The following CPAMD8 variants were observed in gnomAD, a reference collection of about 807,000 sequenced individuals.
CPAMD8 encodes C3 and PZP like alpha-2-macroglobulin domain containing 8, also known as C3 and PZP-like alpha-2-macroglobulin domain-containing protein 8.
A neutral mutation model predicts 224.7 loss-of-function variants in CPAMD8; 146 were observed. The observed-to-expected ratio is 0.65, with a 90% CI of 0.57 to 0.75. The LOEUF (loss-of-function observed/expected upper bound fraction) is 0.75, where lower values mean the gene tolerates loss of function less well. Ranked by LOEUF, CPAMD8 falls within the 30% of genes least tolerant of loss-of-function variation. CPAMD8 has a pLI of 0.00. For missense variants in CPAMD8, 2,301 were observed against 2,537.5 expected (o/e 0.91, Z 2.00); for synonymous variants, 966 against 1,044.6 (o/e 0.92, Z 1.45).
At chr19:16,958,895 G>T (rs956953734) in intron 18 of CPAMD8, among the ~76,000 whole-genome samples, 5 of 151,134 alleles carry the variant, frequency 3.3e-5, no homozygotes, top group Non-Finnish European at 5.9e-5. Flanking sequence ...TGCCTCCCAG[G>T]TTCAAACGAT....
chr19:16,959,403 G>T lies in CPAMD8; in HGVS notation c.2214-1488C>A, dbSNP rs185582198. ...TTGACCACGCTGGTCTCAAACTCCC[G>T]ACATCAAGTGATCCACCCGCCTCGG... is the stretch of plus-strand genomic sequence containing the variant. On this transcript the variant is annotated intron_variant, in intron 18 of 41. Coordinates refer to ENST00000443236, the MANE Select transcript of CPAMD8 (RefSeq NM_015692.5). 1.7e-3 allele frequency among the ~76,000 whole-genome samples: 257 copies of T among 151,708 alleles called. 2 individuals are homozygous for T. The Middle Eastern group carries it at 0.017, about 10-fold the overall frequency.
At chr19:17,016,090 C>T (rs2056805109) in intron 3 of CPAMD8, among the ~76,000 whole-genome samples, 1 of 152,170 alleles carries the variant, frequency 6.6e-6, no homozygotes, top group African/African-American at 2.4e-5. Context: ...ACTACAGGTG[C>T]AGGCCACCAT....
rs1421365486 is a variant in CPAMD8 at position 16,896,358 on chromosome 19, G to T, written c.5276-32C>A. On this transcript the variant is annotated intron_variant, in intron 40 of 41. Coordinates refer to ENST00000443236, the MANE Select transcript of CPAMD8 (RefSeq NM_015692.5). ...GGAAGGGGGCCTCGGTCGGGAGGGCGTGGCGGGGAGGGGACCCAAGGGCCG... is the reference window on the plus strand; with the variant it reads ...GGAAGGGGGCCTCGGTCGGGAGGGCTTGGCGGGGAGGGGACCCAAGGGCCG... 3.8e-6 allele frequency: 6 copies of T among 1,565,788 alleles called. No individual in the cohort carries two copies. In the East Asian group the frequency reaches 7.0e-5, roughly 18 times the overall value.
chr19:16,998,506 A>G (rs2122997783), intron 10 of CPAMD8, among the ~76,000 whole-genome samples: 1 of 152,190 alleles, frequency 6.6e-6, no homozygotes, highest in Non-Finnish European at 1.5e-5. Flanking sequence ...TATCTCAGAC[A>G]TAAGAGAGGG....
intron 17 of CPAMD8, 43 bp from the exon 18 acceptor site, chr19:16,971,076 T>G: frequency 6.5e-7 from 1 of 1,540,756 alleles, no homozygotes; most frequent in Non-Finnish European, 8.8e-7. Flanking sequence ...GGGAAGTGGA[T>G]GCTGACAGCC....
chr19:16,983,632 G>A (rs751663485), intron 13 of CPAMD8, among the ~76,000 whole-genome samples: 4 of 152,094 alleles, frequency 2.6e-5, no homozygotes, highest in African/African-American at 7.2e-5. Flanking sequence ...GGAGACCAAG[G>A]AGACGTGATG....
intron 18 of CPAMD8, among the ~76,000 whole-genome samples, chr19:16,965,739 A>C (rs1231674263): frequency 2.6e-5 from 4 of 152,206 alleles, no homozygotes; most frequent in Non-Finnish European, 5.9e-5. Flanking sequence ...AATCCCATTC[A>C]CAATTGCTAC....
chr19:16,995,873 G>A (rs988138274), intron 11 of CPAMD8, among the ~76,000 whole-genome samples: 1 of 152,180 alleles, frequency 6.6e-6, no homozygotes, highest in Non-Finnish European at 1.5e-5. Context: ...AAATTGACTA[G>A]GTGCGGTGGC....
rs559963854 is a variant in CPAMD8 at position 17,016,149 on chromosome 19, T to G, written c.267+4182A>C. 5.9e-5 allele frequency among the ~76,000 whole-genome samples: 9 copies of G among 152,250 alleles called. No homozygotes were observed. In the South Asian group the frequency reaches 1.9e-3, roughly 32 times the overall value. Reference sequence around the variant, plus strand: ...GTTTGTAGAGACAGGGGACAGGCTCTCAACTATGTTGCCCAGGCTGGTCTC... The same window carrying G: ...GTTTGTAGAGACAGGGGACAGGCTCGCAACTATGTTGCCCAGGCTGGTCTC... On this transcript the variant is annotated intron_variant, in intron 3 of 41. Coordinates refer to ENST00000443236, the MANE Select transcript of CPAMD8 (RefSeq NM_015692.5).
rs1016204440 is a variant in CPAMD8 at position 16,957,891 on chromosome 19, G to A, written c.2238C>T (p.Phe746=). 1 of 1,613,972 alleles carries A rather than the reference G, an allele frequency of 6.2e-7. No homozygotes were observed. Among genetic ancestry groups the A allele is most frequent in the African/African-American group, 1.3e-5 (1 of 74,916 alleles). The part of the protein sequence containing the change: ...PPRTEKRKRT[F]FPETWIWHCL... ...AATGCCAAATCCATGTTTCGGGGAA[G>A]AAAGTCCTTTTTCTCTTCTCTGTTC... The change falls in exon 19 of 42, where the codon TTC becomes TTT. Residue 746 remains phenylalanine (F), a synonymous_variant. Transcript: ENST00000443236.
intron 18 of CPAMD8, among the ~76,000 whole-genome samples, chr19:16,962,824 T>A (rs555300738): frequency 6.6e-6 from 1 of 152,246 alleles, no homozygotes; most frequent in South Asian, 2.1e-4. Context: ...GGGAAGCCCA[T>A]CAGACTAACA....
intron 13 of CPAMD8, among the ~76,000 whole-genome samples, chr19:16,985,550 G>A (rs1431464298): frequency 1.3e-4 from 20 of 150,598 alleles, no homozygotes; most frequent in Non-Finnish European, 7.4e-5. Flanking sequence ...GGATAGATGG[G>A]TGGAGAAAGG....
Position 16,947,283 on chromosome 19 carries a change from C to T in CPAMD8, c.2509-56G>A, listed in dbSNP as rs971004373. 5 of 1,566,444 alleles carry T rather than the reference C, an allele frequency of 3.2e-6. No homozygotes were observed. The Admixed American group carries it at 8.8e-5, about 28-fold the overall frequency. ...TGGAATCCAGACCCCCTCCCAGTGC[C>T]TGGAGGCCCAACACACATCCCACCA... On this transcript the variant is annotated intron_variant, in intron 20 of 41. Coordinates refer to ENST00000443236, the MANE Select transcript of CPAMD8 (RefSeq NM_015692.5).
intron 13 of CPAMD8, among the ~76,000 whole-genome samples, chr19:16,986,222 C>T (rs531235597): frequency 1.4e-4 from 22 of 152,214 alleles, no homozygotes; most frequent in African/African-American, 5.3e-4. Flanking sequence ...GTCCCTGCAC[C>T]ATGCCCAGCC....
intron 27 of CPAMD8, among the ~76,000 whole-genome samples, chr19:16,921,489 C>A (rs2053172365): frequency 6.6e-6 from 1 of 152,076 alleles, no homozygotes; most frequent in Non-Finnish European, 1.5e-5. Flanking sequence ...AAACAAGATC[C>A]CAGGCTGCTC....
chr19:16,914,274 A>G lies in CPAMD8; in HGVS notation c.3861+150T>C, dbSNP rs1162774368. On this transcript the variant is annotated intron_variant, in intron 29 of 41. Transcript: ENST00000443236. ...ATTACAAGAAACTGGATGTAATGTG[A>G]CCATTGTTGATGAAAAGCATGAAAA... 19 of 644,510 alleles carry G rather than the reference A, an allele frequency of 2.9e-5. No individual in the cohort carries two copies. The East Asian group carries it at 4.9e-4, about 17-fold the overall frequency. 39.9% of individuals were successfully genotyped at this position (644,510 alleles called of 1,614,324 possible). A position where few individuals can be genotyped will look rare whatever the true frequency, so the allele number is the denominator to read the frequency against.
intron 32 of CPAMD8, 50 bp downstream of exon 32, chr19:16,904,176 A>AGGGGGCCC: frequency 7.5e-6 from 7 of 937,336 alleles, no homozygotes; most frequent in Non-Finnish European, 1.0e-5. Context: ...GACTGCAGGG[A>AGGGGGCCC]CCCCACCCAC....
chr19:16,912,954 A>G (rs1173840129), intron 29 of CPAMD8, among the ~76,000 whole-genome samples: 1 of 152,266 alleles, frequency 6.6e-6, no homozygotes, highest in Non-Finnish European at 1.5e-5. Flanking sequence ...CAATTATTCT[A>G]CAGGAAAACA....
chr19:16,897,578 T>C (rs1175213624), intron 39 of CPAMD8, 113 bp downstream of exon 39: 2 of 614,142 alleles, frequency 3.3e-6, no homozygotes, highest in East Asian at 3.1e-5. Context: ...CTCCTGACTT[T>C]ACGTTGGCCC....
Sources: gnomAD v4.1 joint callset for allele counts (sites outside exome capture counted in the v4.1 genomes callset) on GRCh38, gnomAD v4.1.1 for gene constraint, MANE v1.5 for transcripts, NCBI Gene and HGNC (gene_info 2026-07-23, HGNC 2026-07-21) for gene names.